Variants in OXCT1 observed in about 807,000 individuals in gnomAD.
OXCT1 encodes the protein 3-oxoacid CoA-transferase 1.
Under a neutral mutation model 69.6 loss-of-function variants are expected in OXCT1, and 27 were observed. The observed-to-expected ratio is 0.39, with a 90% CI of 0.29 to 0.54. The LOEUF is 0.54. OXCT1 is among the 20% of genes least tolerant of loss of function. The probability of loss-of-function intolerance (pLI) is 0.72; values close to 1 mark genes in which losing one functional copy is unlikely to be tolerated. For synonymous variants in OXCT1, 202 were observed against 217.8 expected (o/e 0.93, Z 0.64); for missense variants, 437 against 650.2 (o/e 0.67, Z 3.57).
At chr5:41,862,257 A>C (rs909544977) in intron 2 of OXCT1, among the ~76,000 whole-genome samples, 1 of 152,186 alleles carries the variant, frequency 6.6e-6, no homozygotes, top group Non-Finnish European at 1.5e-5. Context: ...GGGGAGGTCA[A>C]TACATGTCTA....
At chr5:41,735,129 G>C (rs1742821763) in intron 16 of OXCT1, among the ~76,000 whole-genome samples, 1 of 152,290 alleles carries the variant, frequency 6.6e-6, no homozygotes, top group South Asian at 2.1e-4. Context: ...GAATGTCAAA[G>C]AGATATTTGC....
At chr5:41,869,218 T>G (rs141991798) in intron 1 of OXCT1, among the ~76,000 whole-genome samples, 1 of 152,346 alleles carries the variant, frequency 6.6e-6, no homozygotes, top group Non-Finnish European at 1.5e-5. Context: ...CTCCTCTGTG[T>G]TCTCAGCGGT....
intron 7 of OXCT1, among the ~76,000 whole-genome samples, chr5:41,835,100 G>A (rs1233052486): frequency 1.3e-5 from 2 of 151,990 alleles, no homozygotes; most frequent in Non-Finnish European, 2.9e-5. Flanking sequence ...GTGGGGGTGG[G>A]GGTAGGGATG....
intron 16 of OXCT1, among the ~76,000 whole-genome samples, chr5:41,735,888 C>T (rs1382643807): frequency 6.6e-6 from 1 of 152,200 alleles, no homozygotes; most frequent in Non-Finnish European, 1.5e-5. Context: ...CTGTTTTGCT[C>T]TCAGCCATGT....
chr5:41,774,378 C>G (rs148834168), intron 13 of OXCT1, among the ~76,000 whole-genome samples: 134 of 152,320 alleles, frequency 8.8e-4, no homozygotes, highest in African/African-American at 3.0e-3. Flanking sequence ...GCACACCTAG[C>G]ACCCAGATCT....
At position 41,794,727 on chromosome 5, in the gene OXCT1, A is replaced by C; in HGVS notation, c.1122T>G (p.Leu374=). 6.2e-7 allele frequency: 1 copy of C among 1,613,792 alleles called. No individual in the cohort carries two copies. Among genetic ancestry groups the C allele is most frequent in the Non-Finnish European group, 8.5e-7 (1 of 1,180,000 alleles). The change falls in exon 12 of 17, where the codon CTT becomes CTG. Residue 374 remains leucine, a synonymous_variant. Coordinates refer to ENST00000196371, the MANE Select transcript of OXCT1 (RefSeq NM_000436.4). The part of the protein sequence containing the change: ...INAGKETVTI[L]PGASFFSSDE... Reference sequence around the variant, plus strand: ...CGCTGGAGAAAAAAGAGGCTCCTGGAAGAATAGTAACTGTTTCCTTGCCTA... The same window carrying C: ...CGCTGGAGAAAAAAGAGGCTCCTGGCAGAATAGTAACTGTTTCCTTGCCTA...
chr5:41,794,860 A>G, intron 11 of OXCT1, 111 bp from the exon 12 acceptor site: 1 of 1,171,050 alleles, frequency 8.5e-7, no homozygotes, highest in Non-Finnish European at 1.2e-6. Context: ...AGCTCCCTTT[A>G]CCAAAATGCA....
At chr5:41,752,222 G>A (rs1743819431) in intron 14 of OXCT1, among the ~76,000 whole-genome samples, 1 of 152,002 alleles carries the variant, frequency 6.6e-6, no homozygotes, top group Non-Finnish European at 1.5e-5. Context: ...CAATTTTTGT[G>A]GTCCCTTAAA....
Position 41,739,453 on chromosome 5 carries a change from C to A in OXCT1, c.1458G>T (p.Leu486=). ...FDVDKKKGLT[L]IELWEGLTVD... ...CTGTCAGGCCTTCCCAGAGCTCAATCAGAGTCAACCCTTTCTTCTTGTCCA... is the reference window on the plus strand; with the variant it reads ...CTGTCAGGCCTTCCCAGAGCTCAATAAGAGTCAACCCTTTCTTCTTGTCCA... Residue 486 remains leucine (L), a synonymous_variant, in exon 16 of 17, where the codon CTG becomes CTT. Transcript: ENST00000196371. 1.2e-6 allele frequency: 2 copies of A among 1,613,910 alleles called. No individual in the cohort carries two copies. The highest frequency in any genetic ancestry group is 1.7e-6 in the Non-Finnish European group (2 of 1,179,768).
intron 13 of OXCT1, among the ~76,000 whole-genome samples, chr5:41,771,272 A>C (rs1047815843): frequency 6.6e-6 from 1 of 152,210 alleles, no homozygotes; most frequent in African/African-American, 2.4e-5. Flanking sequence ...ATTCCAATGC[A>C]TACAAAATTG....
In OXCT1 at chr5:41,842,744, T is replaced by C; in HGVS notation, c.602A>G (p.Glu201Gly). 1 of 1,613,770 alleles carries C rather than the reference T, an allele frequency of 6.2e-7. No homozygotes were observed. The highest frequency in any genetic ancestry group is 1.1e-5 in the South Asian group (1 of 91,080). The stretch of plus-strand genomic sequence containing the variant: ...CAAAGCAAAATCCCCTGTAATTGCT[T>C]CCTCCAAAATAAAGTGCTGACCATT... ...EFNGQHFILEEAITGDFALVK... is the reference protein window; with the variant it reads ...EFNGQHFILEGAITGDFALVK... Residue 201 changes from glutamate to glycine, a missense_variant, in exon 6 of 17, where the codon GAA becomes GGA. Physicochemically the swap from Glu to Gly is moderately conservative, Grantham distance 98. Transcript: ENST00000196371.
At chr5:41,839,421 G>A (rs1412052733) in intron 7 of OXCT1, among the ~76,000 whole-genome samples, 1 of 152,138 alleles carries the variant, frequency 6.6e-6, no homozygotes, top group Non-Finnish European at 1.5e-5. Flanking sequence ...CCACGGACAG[G>A]TCATTAAGAT....
At chr5:41,738,362 G>A (rs1318643777) in intron 16 of OXCT1, among the ~76,000 whole-genome samples, 3 of 152,182 alleles carry the variant, frequency 2.0e-5, no homozygotes, top group African/African-American at 7.2e-5. Context: ...CCTGGTGGGA[G>A]GTAACTGAAT....
At chr5:41,795,948 T>A (rs148085742) in intron 11 of OXCT1, among the ~76,000 whole-genome samples, 2,144 of 152,294 alleles carry the variant, frequency 0.014, 96 homozygotes, top group South Asian at 0.079. Context: ...TAATTTCATT[T>A]GGCCTGAACT....
intron 7 of OXCT1, among the ~76,000 whole-genome samples, chr5:41,827,534 T>C (rs1045753755): frequency 2.0e-5 from 3 of 152,202 alleles, no homozygotes; most frequent in Non-Finnish European, 4.4e-5. Flanking sequence ...AAACACAAGA[T>C]ACTGCGGAAA....
At chr5:41,777,921 C>T (rs577362382) in intron 13 of OXCT1, among the ~76,000 whole-genome samples, 2 of 152,206 alleles carry the variant, frequency 1.3e-5, no homozygotes, top group South Asian at 4.1e-4. Context: ...AAAATTTTGC[C>T]TTTTAATACA....
At chr5:41,776,053 TATC>T (rs1745105026) in intron 13 of OXCT1, among the ~76,000 whole-genome samples, 1 of 152,158 alleles carries the variant, frequency 6.6e-6, no homozygotes, top group African/African-American at 2.4e-5. Context: ...TGATAAAGAT[TATC>T]ATCATGAGGG....
At chr5:41,804,532 T>G (rs1447698848) in intron 9 of OXCT1, among the ~76,000 whole-genome samples, 1 of 152,048 alleles carries the variant, frequency 6.6e-6, no homozygotes, top group South Asian at 2.1e-4. Flanking sequence ...CAATGGTAAG[T>G]CAGGATAAGA....
At chr5:41,811,048 G>A (rs535393050) in intron 7 of OXCT1, among the ~76,000 whole-genome samples, 1 of 143,664 alleles carries the variant, frequency 7.0e-6, no homozygotes, top group Non-Finnish European at 1.5e-5. Context: ...ATAATGTCTA[G>A]AATCATGAGA....
Sources: allele counts gnomAD v4.1 joint callset (sites outside exome capture counted in the v4.1 genomes callset), GRCh38; gene constraint gnomAD v4.1.1; transcripts MANE v1.5; gene names NCBI Gene and HGNC (gene_info 2026-07-23, HGNC 2026-07-21).